The following RASSF2 variants were observed in gnomAD, a reference collection of about 807,000 sequenced individuals.
The protein encoded by RASSF2 is Ras association domain family member 2.
A neutral mutation model predicts 46.3 loss-of-function variants in RASSF2; 34 were observed. The ratio of observed to expected loss-of-function variants is 0.73; its 90% CI spans 0.56 to 0.98. The LOEUF (loss-of-function observed/expected upper bound fraction) is 0.98, where lower values mean the gene tolerates loss of function less well. RASSF2 is among the 50% of genes least tolerant of loss of function. The pLI is 0.00. For synonymous variants in RASSF2, 158 were observed against 162.5 expected (o/e 0.97, Z 0.21); for missense variants, 364 against 431.2 (o/e 0.84, Z 1.38).
rs189796171 is a variant in RASSF2 at position 4,812,009 on chromosome 20, G to A, written c.-33+10320C>T. 3.9e-5 allele frequency among the ~76,000 whole-genome samples: 6 copies of A among 152,248 alleles called. No homozygotes were observed. Among genetic ancestry groups the A allele is most frequent in the Admixed American group, 2.0e-4 (3 of 15,306 alleles). ...GCAGAGGAGATAGTGATCCCTCTGC[G>A]CTTCGGACCCCTTGTAGTGGGGCAG... On this transcript the variant is annotated intron_variant, in intron 2 of 11. Transcript: ENST00000379400. The surrounding 1 kb of genome is among the most constrained non-coding windows in gnomAD (Gnocchi z 4.0).
intron 2 of RASSF2, among the ~76,000 whole-genome samples, chr20:4,809,140 G>T (rs937008235): frequency 3.0e-4 from 46 of 152,152 alleles, no homozygotes; most frequent in African/African-American, 1.1e-3. Context: ...AAATGCCTGG[G>T]CAATGCATTC....
intron 2 of RASSF2, among the ~76,000 whole-genome samples, chr20:4,804,273 A>G (rs939879410): frequency 6.6e-6 from 1 of 151,836 alleles, no homozygotes; most frequent in Non-Finnish European, 1.5e-5. Context: ...AAAAGGAAGA[A>G]TAATCTGATC....
At chr20:4,800,946 C>T in intron 3 of RASSF2, 26 bp downstream of exon 3, 1 of 1,591,790 alleles carries the variant, frequency 6.3e-7, no homozygotes, top group Non-Finnish European at 8.6e-7. Flanking sequence ...TCACTGAGGA[C>T]AAAACACTCC....
In RASSF2 at chr20:4,783,040, G is replaced by T. The variant is rs892375580; in HGVS notation, c.*1233C>A. The T allele has an allele frequency of 7.2e-5, 11 of 152,274 alleles. No homozygotes were observed. The highest frequency in any genetic ancestry group is 2.7e-4 in the African/African-American group (11 of 41,462). 9.4% of individuals were successfully genotyped at this position (152,274 alleles called of 1,614,324 possible). A position where few individuals can be genotyped will look rare whatever the true frequency, so the allele number is the denominator to read the frequency against. ...ATCACATAGGTGGCTGCTCAGAGGA[G>T]CTGAGGAGAAGCTCCATCCTCCCCA... On this transcript the variant is annotated 3_prime_UTR_variant, in exon 12 of 12. Coordinates refer to ENST00000379400, the MANE Select transcript of RASSF2 (RefSeq NM_014737.3).
intron 2 of RASSF2, among the ~76,000 whole-genome samples, chr20:4,814,364 G>A (rs2122665644): frequency 6.6e-6 from 1 of 152,276 alleles, no homozygotes; most frequent in South Asian, 2.1e-4. Flanking sequence ...TTTACTGAGT[G>A]GTTTCCAAGT....
chr20:4,785,629 G>C (rs1925259955), intron 11 of RASSF2, among the ~76,000 whole-genome samples: 1 of 152,134 alleles, frequency 6.6e-6, no homozygotes, highest in African/African-American at 2.4e-5. Flanking sequence ...GAGAGGAGAG[G>C]ATTTTGGAGG....
chr20:4,790,708 C>T lies in RASSF2; in HGVS notation c.377-97G>A. ...CCAGTGCGACAGCACCCACTGTCTC[C>T]ACAAATATATATTTTATACAAATAA... On this transcript the variant is annotated intron_variant, in intron 6 of 11. Transcript: ENST00000379400. The surrounding 1 kb of genome is among the most constrained non-coding windows in gnomAD (Gnocchi z 4.3). The T allele has an allele frequency of 1.2e-6, 1 of 848,678 alleles. No individual in the cohort carries two copies. The highest frequency in any genetic ancestry group is 1.7e-6 in the Non-Finnish European group (1 of 586,954). 52.6% of individuals were successfully genotyped at this position (848,678 alleles called of 1,614,324 possible).
intron 1 of RASSF2, among the ~76,000 whole-genome samples, 152 bp from the exon 2 acceptor site, chr20:4,822,555 G>A (rs1928770834): frequency 6.6e-6 from 1 of 152,226 alleles, no homozygotes; most frequent in Non-Finnish European, 1.5e-5. Context: ...TGGCACTCTC[G>A]GCTGTCCCCA....
intron 2 of RASSF2, among the ~76,000 whole-genome samples, chr20:4,801,648 C>T (rs908991826): frequency 6.6e-6 from 1 of 152,174 alleles, no homozygotes; most frequent in Non-Finnish European, 1.5e-5. Context: ...TACATACACA[C>T]ATTTACATGT....
intron 6 of RASSF2, among the ~76,000 whole-genome samples, chr20:4,791,423 T>C (rs931601963): frequency 6.6e-6 from 1 of 152,206 alleles, no homozygotes; most frequent in South Asian, 2.1e-4. Context: ...CGTTATGTTA[T>C]GTATATCTTA....
chr20:4,790,545 C>T lies in RASSF2; in HGVS notation c.443G>A (p.Gly148Glu), dbSNP rs748578330. 9 of 1,535,812 alleles carry T rather than the reference C, an allele frequency of 5.9e-6. No homozygotes were observed. Among genetic ancestry groups the T allele is most frequent in the Non-Finnish European group, 7.8e-6 (9 of 1,147,830 alleles). Residue 148 changes from glycine (G) to glutamate (E), a missense_variant, in exon 7 of 12, where the codon GGG becomes GAG. Gly to Glu is a moderately conservative substitution (Grantham distance 98). Coordinates refer to ENST00000379400, the MANE Select transcript of RASSF2 (RefSeq NM_014737.3). This position sits in a 1 kb window ranked among gnomAD's most constrained non-coding sequence, Gnocchi z 4.3. ...CCTCACATTGCCACGGCGACGCACCCCAACATCACTGCGTGTGCGCATCAG... is the reference window on the plus strand; with the variant it reads ...CCTCACATTGCCACGGCGACGCACCTCAACATCACTGCGTGTGCGCATCAG... ...PQLMRTRSDV[G>E]VRRRGNVRTP...
In RASSF2 at chr20:4,784,066, G is replaced by A. The variant is rs1010825556; in HGVS notation, c.*207C>T. ...CTTATAACTAAAATCAAAAGTCCTT[G>A]TGAGCAGAAAAAAGGAGGGCAGGGG... On this transcript the variant is annotated 3_prime_UTR_variant, in exon 12 of 12. Coordinates refer to ENST00000379400, the MANE Select transcript of RASSF2 (RefSeq NM_014737.3). 1.0e-5 allele frequency: 6 copies of A among 598,274 alleles called. No individual in the cohort carries two copies. The highest frequency in any genetic ancestry group is 6.1e-5 in the South Asian group (3 of 49,458). The allele number at this position is 598,274 out of a possible 1,614,324, so 37.1% of individuals were successfully genotyped here. A position where few individuals can be genotyped will look rare whatever the true frequency, so the allele number is the denominator to read the frequency against.
At position 4,812,726 on chromosome 20, in the gene RASSF2, G is replaced by C. The variant is rs1175004044; in HGVS notation, c.-33+9603C>G. On this transcript the variant is annotated intron_variant, in intron 2 of 11. Coordinates refer to ENST00000379400, the MANE Select transcript of RASSF2 (RefSeq NM_014737.3). The surrounding 1 kb of genome is among the most constrained non-coding windows in gnomAD (Gnocchi z 4.0). ...AGATGCTTTATCTTAGTCCCTCCAA[G>C]AACCTCAGGGGGAAGACTTCACTTT... 6.6e-6 allele frequency among the ~76,000 whole-genome samples: 1 copy of C among 152,198 alleles called. No individual in the cohort carries two copies. Among genetic ancestry groups the C allele is most frequent in the Non-Finnish European group, 1.5e-5 (1 of 68,030 alleles).
intron 2 of RASSF2, among the ~76,000 whole-genome samples, chr20:4,804,759 C>T (rs2423012): frequency 0.31 from 46,904 of 151,970 alleles, 7,739 homozygotes; most frequent in East Asian, 0.51. Context: ...GTGTCTACAA[C>T]GTGCCAAGCA....
Position 4,789,670 on chromosome 20 carries a change from A to G in RASSF2, c.565T>C (p.Ser189Pro), listed in dbSNP as rs1208560547. 4.3e-6 allele frequency: 7 copies of G among 1,614,108 alleles called. No individual in the cohort carries two copies. The highest frequency in any genetic ancestry group is 5.9e-6 in the Non-Finnish European group (7 of 1,180,020). ...KTSVFTPAYG[S>P]VTNVRINSTM... The stretch of plus-strand genomic sequence containing the variant: ...CTGTTGATGCGGACGTTGGTGACAG[A>G]GCCATAGGCTGGTGTGAACACGGAT... The change falls in exon 8 of 12, where the codon TCT becomes CCT. Residue 189 changes from serine to proline, a missense_variant. Ser to Pro is a moderately conservative substitution (Grantham distance 74, BLOSUM62 -1). Coordinates refer to ENST00000379400, the MANE Select transcript of RASSF2 (RefSeq NM_014737.3).
At chr20:4,815,015 G>T (rs949335954) in intron 2 of RASSF2, 1 of 152,242 alleles carries the variant, frequency 6.6e-6, no homozygotes, top group East Asian at 1.9e-4. Flanking sequence ...CACTGGGCAG[G>T]GCCAGGTGAA....
intron 4 of RASSF2, among the ~76,000 whole-genome samples, chr20:4,797,558 C>T (rs1445342801): frequency 6.2e-5 from 9 of 145,202 alleles, no homozygotes; most frequent in East Asian, 2.2e-4. Context: ...AGTGTGGGGA[C>T]GGGCCCACTA....
In RASSF2 at chr20:4,784,172, T is replaced by C. The variant is rs1386933047; in HGVS notation, c.*101A>G. 1.6e-6 allele frequency: 2 copies of C among 1,229,534 alleles called. No individual in the cohort carries two copies. Among genetic ancestry groups the C allele is most frequent in the African/African-American group, 1.5e-5 (1 of 67,268 alleles). 76.2% of individuals were successfully genotyped at this position (1,229,534 alleles called of 1,614,324 possible). On this transcript the variant is annotated 3_prime_UTR_variant, in exon 12 of 12. Coordinates refer to ENST00000379400, the MANE Select transcript of RASSF2 (RefSeq NM_014737.3). The stretch of plus-strand genomic sequence containing the variant: ...ATGGCTTGGCCGGAGCTGGGGAGGT[T>C]TGTGTCTAAATGTTTCCATGGAAAG...
chr20:4,817,215 G>A (rs548663587), intron 2 of RASSF2, among the ~76,000 whole-genome samples: 1 of 152,280 alleles, frequency 6.6e-6, no homozygotes, highest in African/African-American at 2.4e-5. Flanking sequence ...GTTAACTAAT[G>A]TATGACTGTT....
Sources: allele counts gnomAD v4.1 joint callset (sites outside exome capture counted in the v4.1 genomes callset), GRCh38; gene constraint gnomAD v4.1.1; non-coding constraint Gnocchi (gnomAD v3.1); transcripts MANE v1.5; gene names NCBI Gene and HGNC (gene_info 2026-07-23, HGNC 2026-07-21).